The following EGFLAM variants were observed in gnomAD, a reference collection of about 807,000 sequenced individuals.
EGFLAM encodes the protein EGF like, fibronectin type III and laminin G domains.
Under a neutral mutation model 113.1 loss-of-function variants are expected in EGFLAM, and 79 were observed. The observed-to-expected ratio is 0.70, with a 90% CI of 0.58 to 0.84. The LOEUF is 0.84. Ranked by LOEUF, EGFLAM falls within the 40% of genes least tolerant of loss-of-function variation. The pLI, the probability that EGFLAM is intolerant of heterozygous loss-of-function variation, is 0.00. For missense variants in EGFLAM, 1,265 were observed against 1,291.6 expected, an observed-to-expected ratio of 0.98 and a Z score of 0.32; for synonymous variants, 504 against 487.6, an observed-to-expected ratio of 1.03 and a Z score of -0.44.
At position 38,321,010 on chromosome 5, in the gene EGFLAM, G is replaced by A. The variant is rs187815854; in HGVS notation, c.98-16510G>A. 2.2e-3 allele frequency among the ~76,000 whole-genome samples: 333 copies of A among 152,174 alleles called. 1 individual carries two copies. The highest frequency in any genetic ancestry group is 7.5e-3 in the African/African-American group (313 of 41,526). On this transcript the variant is annotated intron_variant, in intron 1 of 21. Transcript: ENST00000322350. The stretch of plus-strand genomic sequence containing the variant: ...AGTTTTTTTCCATGGATGAGGGTGG[G>A]AGGTGGGATGATTCCAGCATGTTGC...
intron 5 of EGFLAM, among the ~76,000 whole-genome samples, chr5:38,359,640 G>A (rs1354260933): frequency 3.9e-5 from 6 of 152,142 alleles, no homozygotes; most frequent in East Asian, 3.9e-4. Flanking sequence ...ATGCCACTGC[G>A]CTCCAGTCTG....
chr5:38,428,814 T>C (rs1442793116), intron 14 of EGFLAM, among the ~76,000 whole-genome samples: 1 of 152,218 alleles, frequency 6.6e-6, no homozygotes, highest in African/African-American at 2.4e-5. Flanking sequence ...TTTTTTTTTG[T>C]AAATTTACTA....
chr5:38,292,205 G>C (rs1456724982), intron 1 of EGFLAM, among the ~76,000 whole-genome samples: 1 of 152,024 alleles, frequency 6.6e-6, no homozygotes, highest in Admixed American at 6.6e-5. Flanking sequence ...CACATTACTT[G>C]CTTCAATAAT....
rs1740049824 is a variant in EGFLAM, at chr5:38,366,028, C to CT, written c.546-4267dup. Among the ~76,000 whole-genome samples, 7 of 152,298 alleles carry CT rather than the reference C, an allele frequency of 4.6e-5. No individual in the cohort carries two copies. In the South Asian group the frequency reaches 1.4e-3, roughly 32 times the overall value. Reference sequence around the variant, plus strand: ...CCATTGGCTTCTCTGTAAGAAACCACTGGGCCTCTTAGTCCAACATGGAAA... The same window carrying CT: ...CCATTGGCTTCTCTGTAAGAAACCACTTGGGCCTCTTAGTCCAACATGGAAA... On this transcript the variant is annotated intron_variant, in intron 5 of 21. Coordinates refer to ENST00000322350, the MANE Select transcript of EGFLAM (RefSeq NM_152403.4).
intron 1 of EGFLAM, among the ~76,000 whole-genome samples, chr5:38,270,705 C>A (rs1757744755): frequency 6.6e-6 from 1 of 152,078 alleles, no homozygotes. Context: ...TATATTTCAT[C>A]TGAAATTTAA....
intron 1 of EGFLAM, among the ~76,000 whole-genome samples, chr5:38,284,647 C>T (rs940796430): frequency 6.6e-6 from 1 of 152,156 alleles, no homozygotes; most frequent in African/African-American, 2.4e-5. Flanking sequence ...TGTGAACATT[C>T]TCTTTTCCTG....
rs893193498 is a variant in EGFLAM, at chr5:38,373,070, C to T, written c.712+2608C>T. Among the ~76,000 whole-genome samples the T allele has an allele frequency of 3.5e-4, 53 of 152,084 alleles. 1 individual carries two copies. The highest frequency in any genetic ancestry group is 1.1e-3 in the African/African-American group (44 of 41,394). ...AATAAATTTCAAATAATACAAAATA[C>T]TTCAAATTAATACATTTGAAGTATC... On this transcript the variant is annotated intron_variant, in intron 6 of 21. Coordinates refer to ENST00000322350, the MANE Select transcript of EGFLAM (RefSeq NM_152403.4).
chr5:38,323,138 T>G (rs540297849), intron 1 of EGFLAM, among the ~76,000 whole-genome samples: 26 of 152,370 alleles, frequency 1.7e-4, no homozygotes, highest in Middle Eastern at 6.8e-3. Flanking sequence ...AACTTGGTTC[T>G]TTCTGTGAAA....
intron 1 of EGFLAM, among the ~76,000 whole-genome samples, chr5:38,271,076 A>C (rs887934078): frequency 6.6e-6 from 1 of 152,152 alleles, no homozygotes; most frequent in Admixed American, 6.5e-5. Context: ...AAAGTTATTG[A>C]TATTGATGAA....
chr5:38,356,081 A>T (rs1739755339), intron 5 of EGFLAM, among the ~76,000 whole-genome samples: 1 of 152,174 alleles, frequency 6.6e-6, no homozygotes, highest in Non-Finnish European at 1.5e-5. Context: ...TTTTAAAATT[A>T]TATGCCATTC....
intron 19 of EGFLAM, among the ~76,000 whole-genome samples, chr5:38,456,500 C>T (rs1472598186): frequency 2.0e-5 from 3 of 152,154 alleles, no homozygotes; most frequent in African/African-American, 7.2e-5. Flanking sequence ...CTGCTTTATA[C>T]AAGGAGGTAC....
intron 1 of EGFLAM, among the ~76,000 whole-genome samples, chr5:38,292,497 A>G (rs1289681261): frequency 3.3e-5 from 5 of 152,220 alleles, no homozygotes; most frequent in Non-Finnish European, 5.9e-5. Context: ...CAGGTTTTGA[A>G]ATCATCCCAT....
In EGFLAM at chr5:38,337,329, G is replaced by A. The variant is rs529754560; in HGVS notation, c.98-191G>A. Reference sequence around the variant, plus strand: ...GGACTGATTTATCTACTGATGCCAGGTTGGGAAGGGATAGCAAAGTGAGTG... The same window carrying A: ...GGACTGATTTATCTACTGATGCCAGATTGGGAAGGGATAGCAAAGTGAGTG... On this transcript the variant is annotated intron_variant, in intron 1 of 21. Transcript: ENST00000322350. Among the ~76,000 whole-genome samples the A allele has an allele frequency of 7.2e-5, 11 of 152,344 alleles. No individual in the cohort carries two copies. The East Asian group carries it at 2.1e-3, about 29-fold the overall frequency.
rs140143697 is a variant in EGFLAM, at chr5:38,293,727, T to G, written c.97+34876T>G. 7.9e-4 allele frequency among the ~76,000 whole-genome samples: 121 copies of G among 152,364 alleles called. 1 individual carries two copies. Among genetic ancestry groups the G allele is most frequent in the African/African-American group, 2.9e-3 (119 of 41,586 alleles). On this transcript the variant is annotated intron_variant, in intron 1 of 21. Coordinates refer to ENST00000322350, the MANE Select transcript of EGFLAM (RefSeq NM_152403.4). ...CAACATTACTCTTGAAAATCTTTATTATGATTATTCATATAGCGTATGTGA... is the reference window on the plus strand; with the variant it reads ...CAACATTACTCTTGAAAATCTTTATGATGATTATTCATATAGCGTATGTGA...
At chr5:38,394,656 G>T (rs1001098855) in intron 6 of EGFLAM, among the ~76,000 whole-genome samples, 4 of 149,344 alleles carry the variant, frequency 2.7e-5, no homozygotes, top group South Asian at 4.2e-4. Flanking sequence ...TGATCCACCC[G>T]CCTCGGCCTC....
chr5:38,372,816 T>C (rs574325075), intron 6 of EGFLAM, among the ~76,000 whole-genome samples: 46 of 152,334 alleles, frequency 3.0e-4, no homozygotes, highest in Middle Eastern at 3.4e-3. Context: ...TGTGCTATAA[T>C]TAGTATTTCA....
At chr5:38,388,575 C>T (rs956938137) in intron 6 of EGFLAM, among the ~76,000 whole-genome samples, 8 of 151,502 alleles carry the variant, frequency 5.3e-5, no homozygotes, top group Middle Eastern at 6.8e-3. Flanking sequence ...GAAAGCCCAT[C>T]TCTACTAAAA....
Position 38,321,696 on chromosome 5 carries a change from G to A in EGFLAM, c.98-15824G>A, listed in dbSNP as rs2589803. ...CAGGAACCACTGCTAGAGGCTTTCA[G>A]CATGGATTGCTCTCTGCCAGAAGTC... On this transcript the variant is annotated intron_variant, in intron 1 of 21. Transcript: ENST00000322350. Among the ~76,000 whole-genome samples the A allele has an allele frequency of 2.8e-3, 425 of 152,236 alleles. 5 individuals carry two copies. Among genetic ancestry groups the A allele is most frequent in the African/African-American group, 1.0e-2 (415 of 41,542 alleles).
Position 38,370,396 on chromosome 5 carries a change from G to T in EGFLAM, c.646G>T (p.Val216Leu), listed in dbSNP as rs369204325. 17 of 1,614,088 alleles carry T rather than the reference G, an allele frequency of 1.1e-5. No individual in the cohort carries two copies. Among genetic ancestry groups the T allele is most frequent in the Middle Eastern group, 1.6e-4 (1 of 6,084 alleles). Residue 216 changes from valine to leucine, a missense_variant, in exon 6 of 22, where the codon GTG becomes TTG. Val to Leu is a conservative substitution (Grantham distance 32). Coordinates refer to ENST00000322350, the MANE Select transcript of EGFLAM (RefSeq NM_152403.4). ...LDPDTNYQFA[V>L]RAMNSHGPSP... ...TCCAGATACCAACTACCAGTTTGCC[G>T]TGAGGGCAATGAATTCCCATGGCCC...
Sources: gnomAD v4.1 joint callset for allele counts (sites outside exome capture counted in the v4.1 genomes callset) on GRCh38, gnomAD v4.1.1 for gene constraint, MANE v1.5 for transcripts, NCBI Gene and HGNC (gene_info 2026-07-23, HGNC 2026-07-21) for gene names.